Variants in TUBGCP3 observed in about 807,000 individuals in gnomAD.
TUBGCP3 encodes the protein tubulin gamma complex component 3, also known as gamma-tubulin complex component 3.
In TUBGCP3, 50 loss-of-function variants were observed where a neutral mutation model predicts 123.1. That is an observed-to-expected ratio of 0.41 (90% CI 0.32 to 0.51). The LOEUF (loss-of-function observed/expected upper bound fraction) is 0.51. Ranked by LOEUF, TUBGCP3 falls within the 20% of genes least tolerant of loss-of-function variation. The probability of loss-of-function intolerance (pLI) is 0.36; values close to 1 mark genes in which losing one functional copy is unlikely to be tolerated. For synonymous variants in TUBGCP3, 405 were observed against 413.9 expected (o/e 0.98, Z 0.26); for missense variants, 882 against 1,127.0 (o/e 0.78, Z 3.11).
At chr13:112,520,153 T>C (rs2139061903) in intron 14 of TUBGCP3, 132 bp from the exon 15 acceptor site, 3 of 745,630 alleles carry the variant, frequency 4.0e-6, no homozygotes, top group East Asian at 2.9e-5. Flanking sequence ...AATACAATAA[T>C]GCGGCAACAA....
At chr13:112,553,858 A>G (rs1186807378) in intron 8 of TUBGCP3, among the ~76,000 whole-genome samples, 199 bp downstream of exon 8, 2 of 152,196 alleles carry the variant, frequency 1.3e-5, no homozygotes, top group Non-Finnish European at 2.9e-5. Context: ...GCAGTTCCTG[A>G]GCCAACCTGC....
intron 8 of TUBGCP3, among the ~76,000 whole-genome samples, chr13:112,551,242 G>A (rs73568306): frequency 0.016 from 2,450 of 152,344 alleles, 74 homozygotes; most frequent in African/African-American, 0.055. Flanking sequence ...GGCAGAGCGC[G>A]GCAGCGCCAC....
rs141595937 is a variant in TUBGCP3 at position 112,499,717 on chromosome 13, G to A, written c.2308-532C>T. Among the ~76,000 whole-genome samples, 380 of 152,082 alleles carry A rather than the reference G, an allele frequency of 2.5e-3. 2 individuals carry two copies. Among genetic ancestry groups the A allele is most frequent in the African/African-American group, 8.9e-3 (368 of 41,516 alleles). On this transcript the variant is annotated intron_variant, in intron 19 of 21. Coordinates refer to ENST00000261965, the MANE Select transcript of TUBGCP3 (RefSeq NM_006322.6). ...ATCATAGTTTATACCAGAAATAAAA[G>A]GATACCTTAACATGAGGAAAAAACT...
chr13:112,498,873 C>G (rs749287899), intron 20 of TUBGCP3, 172 bp downstream of exon 20: 2 of 1,610,994 alleles, frequency 1.2e-6, no homozygotes, highest in Non-Finnish European at 1.7e-6. Context: ...GAGGGTGGCC[C>G]CTCCCTCTTT....
intron 1 of TUBGCP3, among the ~76,000 whole-genome samples, chr13:112,582,013 T>C (rs905175203): frequency 2.6e-5 from 4 of 152,198 alleles, no homozygotes; most frequent in Admixed American, 6.5e-5. Context: ...TTGCTGATTA[T>C]AAAATATTTT....
intron 20 of TUBGCP3, among the ~76,000 whole-genome samples, chr13:112,495,345 C>T (rs1391354979): frequency 6.6e-6 from 1 of 152,166 alleles, no homozygotes; most frequent in Non-Finnish European, 1.5e-5. Flanking sequence ...AGCTCGTAGC[C>T]CTGGCTGGGA....
chr13:112,499,238 TAAACA>T, intron 19 of TUBGCP3, 53 bp from the exon 20 acceptor site: 1 of 1,539,258 alleles, frequency 6.5e-7, no homozygotes, highest in Non-Finnish European at 8.7e-7. Context: ...CTAAGTTTCT[TAAACA>T]AAACATTGAT....
chr13:112,506,299 C>T (rs1881301105), intron 17 of TUBGCP3, among the ~76,000 whole-genome samples: 1 of 152,210 alleles, frequency 6.6e-6, no homozygotes, highest in African/African-American at 2.4e-5. Flanking sequence ...CCCAGCGACT[C>T]GCAAGGGAGC....
chr13:112,590,154 T>C (rs1256429732), upstream of TUBGCP3, among the ~76,000 whole-genome samples: 3 of 152,116 alleles, frequency 2.0e-5, no homozygotes, highest in African/African-American at 7.2e-5. Context: ...TTTTTTGTAT[T>C]TTTAGTAGAG....
At chr13:112,544,397 G>A (rs932525410) in intron 11 of TUBGCP3, among the ~76,000 whole-genome samples, 8 of 145,060 alleles carry the variant, frequency 5.5e-5, no homozygotes, top group Non-Finnish European at 1.2e-4. Context: ...AGCCTGCAGT[G>A]AGCCGAGATT....
chr13:112,527,972 C>T (rs1261817693), intron 11 of TUBGCP3, among the ~76,000 whole-genome samples: 2 of 152,244 alleles, frequency 1.3e-5, no homozygotes, highest in Non-Finnish European at 2.9e-5. Flanking sequence ...GCAGACCTTG[C>T]TGTACATGTA....
chr13:112,516,897 C>A (rs1215189561), intron 16 of TUBGCP3, among the ~76,000 whole-genome samples: 6 of 152,214 alleles, frequency 3.9e-5, no homozygotes, highest in Admixed American at 3.9e-4. Flanking sequence ...GGTGCACTTT[C>A]TTCTGTAACA....
intron 11 of TUBGCP3, among the ~76,000 whole-genome samples, chr13:112,527,898 G>T (rs954835139): frequency 6.6e-6 from 1 of 152,206 alleles, no homozygotes; most frequent in Non-Finnish European, 1.5e-5. Flanking sequence ...AAGCCCCAAA[G>T]CCTGGAACAC....
At chr13:112,580,969 A>T (rs1882236706) in intron 1 of TUBGCP3, among the ~76,000 whole-genome samples, 1 of 152,142 alleles carries the variant, frequency 6.6e-6, no homozygotes, top group East Asian at 1.9e-4. Flanking sequence ...CTTAGAGTGA[A>T]TTATCCACCC....
Position 112,575,200 on chromosome 13 carries a change from T to C in TUBGCP3, c.77-5941A>G, listed in dbSNP as rs115231968. Among the ~76,000 whole-genome samples, 546 of 152,116 alleles carry C rather than the reference T, an allele frequency of 3.6e-3. 6 individuals carry two copies. Among genetic ancestry groups the C allele is most frequent in the African/African-American group, 0.013 (523 of 41,540 alleles). ...GAAAAAGTCACCCCTTAAAGCTGTG[T>C]ACTATCGAGAAGGAGCCCAACTGAG... On this transcript the variant is annotated intron_variant, in intron 1 of 21. Transcript: ENST00000261965.
chr13:112,549,969 G>A (rs529668450), intron 8 of TUBGCP3, among the ~76,000 whole-genome samples: 50 of 131,870 alleles, frequency 3.8e-4, no homozygotes, highest in Non-Finnish European at 6.5e-4. Context: ...CAGCCTGGGC[G>A]ACAGGGTGAG....
chr13:112,582,365 C>A (rs946973681), intron 1 of TUBGCP3, among the ~76,000 whole-genome samples: 2 of 152,198 alleles, frequency 1.3e-5, no homozygotes, highest in Non-Finnish European at 2.9e-5. Flanking sequence ...AAATGTGGCA[C>A]ATAAGTACCC....
intron 7 of TUBGCP3, 48 bp from the exon 8 acceptor site, chr13:112,554,230 A>G (rs1235783999): frequency 9.4e-6 from 15 of 1,588,842 alleles, no homozygotes; most frequent in Non-Finnish European, 1.3e-5. Flanking sequence ...GCAATACTAG[A>G]GCTTTAATTA....
At position 112,547,748 on chromosome 13, in the gene TUBGCP3, T is replaced by C. The variant is rs1879185063; in HGVS notation, c.1040A>G (p.Gln347Arg). 6.7e-7 allele frequency: 1 copy of C among 1,481,836 alleles called. No individual in the cohort carries two copies. Among genetic ancestry groups the C allele is most frequent in the Non-Finnish European group, 9.0e-7 (1 of 1,112,450 alleles). The allele number at this position is 1,481,836 out of a possible 1,614,324, so 91.8% of individuals were successfully genotyped here. ...ATTCACACCCTGGTCATCCTCTAGT[T>C]GTAGCTAAAAAACAATAAAGATAGA... The part of the protein sequence containing the change: ...RLLSVLHSQL[Q>R]LEDDQGVNLG... The change falls in exon 10 of 22, where the codon CAA (glutamine) becomes CGA (arginine). Residue 347 changes from glutamine (Q) to arginine (R), a missense_variant. Coordinates refer to ENST00000261965, the MANE Select transcript of TUBGCP3 (RefSeq NM_006322.6).
Sources: gnomAD v4.1 joint callset for allele counts (sites outside exome capture counted in the v4.1 genomes callset) on GRCh38, gnomAD v4.1.1 for gene constraint, MANE v1.5 for transcripts, NCBI Gene and HGNC (gene_info 2026-07-23, HGNC 2026-07-21) for gene names.